SUN3: variants seen among roughly 807,000 people sequenced by gnomAD.
SUN3 encodes Sad1 and UNC84 domain containing 3.
A neutral mutation model predicts 48.2 loss-of-function variants in SUN3; 36 were observed. The ratio of observed to expected loss-of-function variants is 0.75; its 90% confidence interval spans 0.57 to 0.99. The LOEUF is 0.99. Ranked by LOEUF, SUN3 falls within the 50% of genes least tolerant of loss-of-function variation. The pLI, the probability that SUN3 is intolerant of heterozygous loss-of-function variation, is 0.00. For missense variants in SUN3, 419 were observed against 433.1 expected (o/e 0.97, Z 0.29); for synonymous variants, 148 against 147.9 (o/e 1.00, Z 0.00).
At chr7:48,014,132 AT>A (rs934954743) in intron 3 of SUN3, among the ~76,000 whole-genome samples, 1 of 152,010 alleles carries the variant, frequency 6.6e-6, no homozygotes. Flanking sequence ...TGTCTGGCTA[AT>A]TTTTTGATGT....
intron 2 of SUN3, among the ~76,000 whole-genome samples, chr7:48,023,000 G>A (rs1263737591): frequency 6.6e-6 from 1 of 152,128 alleles, no homozygotes; most frequent in East Asian, 1.9e-4. Flanking sequence ...CCTTCAGGAA[G>A]TGCTAAAGGG....
intron 8 of SUN3, among the ~76,000 whole-genome samples, 195 bp downstream of exon 8, chr7:47,994,120 A>G (rs552202423): frequency 1.3e-5 from 2 of 152,338 alleles, no homozygotes; most frequent in African/African-American, 4.8e-5. Flanking sequence ...TTATACATGT[A>G]TAACTTTGAT....
At chr7:48,019,568 G>A (rs1022478169) in intron 2 of SUN3, among the ~76,000 whole-genome samples, 1 of 151,790 alleles carries the variant, frequency 6.6e-6, no homozygotes, top group Non-Finnish European at 1.5e-5. Flanking sequence ...AAAAAGAGAA[G>A]ATACAAATGA....
chr7:48,015,988 T>C (rs889529753), intron 3 of SUN3, among the ~76,000 whole-genome samples: 1 of 152,136 alleles, frequency 6.6e-6, no homozygotes, highest in Non-Finnish European at 1.5e-5. Flanking sequence ...AAATTACAGT[T>C]TAGGGGTCAC....
In SUN3 at chr7:47,987,301, A is replaced by G; in HGVS notation, c.*29T>C. On this transcript the variant is annotated 3_prime_UTR_variant, in exon 10 of 10. Transcript: ENST00000297325. ...ATAAGCATTCTTGAATATTCTGGAC[A>G]TGTGGCATGGCCTTCTGTACCAACT... The G allele has an allele frequency of 6.3e-7, 1 of 1,599,756 alleles. No homozygotes were observed. The highest frequency in any genetic ancestry group is 1.1e-5 in the South Asian group (1 of 88,332).
intron 1 of SUN3, among the ~76,000 whole-genome samples, chr7:48,027,500 G>C (rs921050448): frequency 2.6e-5 from 4 of 152,298 alleles, no homozygotes; most frequent in South Asian, 4.1e-4. Flanking sequence ...AGGGTGGATG[G>C]GGAGGGAAGC....
the SUN3 span, among the ~76,000 whole-genome samples, chr7:48,034,696 G>A: frequency 6.6e-6 from 1 of 152,196 alleles, no homozygotes; most frequent in Non-Finnish European, 1.5e-5. Flanking sequence ...ATGCCAGATA[G>A]ATAATCTTCA....
chr7:47,995,466 C>G (rs1042861266), intron 7 of SUN3, among the ~76,000 whole-genome samples: 1 of 152,108 alleles, frequency 6.6e-6, no homozygotes, highest in Non-Finnish European at 1.5e-5. Flanking sequence ...GTGGGTTTTA[C>G]CCCTGAAAGT....
intron 2 of SUN3, among the ~76,000 whole-genome samples, chr7:48,025,561 A>T (rs77113443): frequency 6.6e-6 from 1 of 152,224 alleles, no homozygotes; most frequent in African/African-American, 2.4e-5. Context: ...AATTTAGAAA[A>T]GGTAAAATGT....
intron 6 of SUN3, among the ~76,000 whole-genome samples, chr7:48,002,152 T>TAATGATCAG (rs1491207872): frequency 7.3e-4 from 4 of 5,446 alleles, no homozygotes; most frequent in Admixed American, 5.7e-3. Flanking sequence ...TGCATTTCTC[T>TAATGATCAG]TTTTTTTTTT....
At chr7:47,990,930 A>T (rs960364028) in intron 8 of SUN3, 26 of 401,014 alleles carry the variant, frequency 6.5e-5, no homozygotes, top group African/African-American at 6.3e-4. Context: ...GCGGAGCAAC[A>T]GACACTGAGA....
At chr7:48,024,189 C>T (rs1381082798) in intron 2 of SUN3, among the ~76,000 whole-genome samples, 1 of 152,042 alleles carries the variant, frequency 6.6e-6, no homozygotes, top group Non-Finnish European at 1.5e-5. Context: ...TACAAACCTT[C>T]GTGTATCAAA....
intron 6 of SUN3, among the ~76,000 whole-genome samples, chr7:47,996,693 TAAAG>T (rs1789221946): frequency 1.3e-5 from 2 of 152,126 alleles, no homozygotes; most frequent in African/African-American, 2.4e-5. Context: ...ACAGAATAAA[TAAAG>T]AAAATGCAAA....
intron 1 of SUN3, among the ~76,000 whole-genome samples, chr7:48,028,365 G>C (rs1790191618): frequency 6.7e-6 from 1 of 149,306 alleles, no homozygotes; most frequent in Admixed American, 6.8e-5. Flanking sequence ...TCCCCTACCA[G>C]AGTCTTTAGT....
upstream of SUN3, among the ~76,000 whole-genome samples, chr7:48,029,812 G>A (rs1432339863): frequency 6.6e-6 from 1 of 152,188 alleles, no homozygotes; most frequent in Non-Finnish European, 1.5e-5. Context: ...CAGCACTTTG[G>A]AGATACTACT....
At chr7:48,026,222 T>C (rs1012579584) in intron 1 of SUN3, among the ~76,000 whole-genome samples, 1 of 152,138 alleles carries the variant, frequency 6.6e-6, no homozygotes, top group Admixed American at 6.5e-5. Flanking sequence ...TGTCTATTTA[T>C]ATTCTTAAAA....
intron 2 of SUN3, among the ~76,000 whole-genome samples, chr7:48,024,432 T>A (rs1327708097): frequency 6.6e-6 from 1 of 151,960 alleles, no homozygotes; most frequent in Non-Finnish European, 1.5e-5. Flanking sequence ...ACATCATTAG[T>A]CATTAGAGAA....
At chr7:48,003,264 C>T (rs1050760869) in intron 6 of SUN3, among the ~76,000 whole-genome samples, 1 of 152,074 alleles carries the variant, frequency 6.6e-6, no homozygotes, top group African/African-American at 2.4e-5. Context: ...CTATTCTGTT[C>T]CATTGGTCTA....
chr7:48,035,531 C>T, the SUN3 span: 1 of 697,656 alleles, frequency 1.4e-6, no homozygotes, highest in African/African-American at 1.8e-5. This position sits in a 1 kb window ranked among gnomAD's most constrained non-coding sequence, Gnocchi z 4.0. Flanking sequence ...TTCCGCGGCG[C>T]GCTGGGAGTT....
Sources: allele counts gnomAD v4.1 joint callset (sites outside exome capture counted in the v4.1 genomes callset), GRCh38; gene constraint gnomAD v4.1.1; non-coding constraint Gnocchi (gnomAD v3.1); transcripts MANE v1.5; gene names NCBI Gene and HGNC (gene_info 2026-07-23, HGNC 2026-07-21).